The following DCBLD2 variants were observed in gnomAD, a reference collection of about 807,000 sequenced individuals.
The protein encoded by DCBLD2 is discoidin, CUB and LCCL domain-containing protein 2.
DCBLD2 carries 54 observed loss-of-function variants against 86.8 expected under a neutral mutation model. The ratio of observed to expected loss-of-function variants is 0.62; its 90% CI spans 0.50 to 0.78. The LOEUF (loss-of-function observed/expected upper bound fraction) is 0.78. DCBLD2 is among the 30% of genes least tolerant of loss of function. The pLI is 0.00. For synonymous variants in DCBLD2, 354 were observed against 341.3 expected, an observed-to-expected ratio of 1.04 and a Z score of -0.41; for missense variants, 908 against 954.2, an observed-to-expected ratio of 0.95 and a Z score of 0.64.
At chr3:98,818,558 G>A (rs1942063517) in intron 8 of DCBLD2, among the ~76,000 whole-genome samples, 1 of 152,196 alleles carries the variant, frequency 6.6e-6, no homozygotes, top group Non-Finnish European at 1.5e-5. Context: ...TTGTTCCCAG[G>A]TGTGTCTGTG....
At chr3:98,826,808 C>G (rs1326961098) in intron 3 of DCBLD2, among the ~76,000 whole-genome samples, 2 of 152,032 alleles carry the variant, frequency 1.3e-5, no homozygotes, top group Non-Finnish European at 2.9e-5. Flanking sequence ...GAAGAAGACC[C>G]CAAGGCAATC....
At chr3:98,880,016 G>T (rs1943438536) in intron 2 of DCBLD2, among the ~76,000 whole-genome samples, 1 of 152,194 alleles carries the variant, frequency 6.6e-6, no homozygotes, top group Non-Finnish European at 1.5e-5. Flanking sequence ...TTCTATTAGT[G>T]TTAATATCAC....
Position 98,821,357 on chromosome 3 carries a change from T to A in DCBLD2, c.830+871A>T, listed in dbSNP as rs774719270. Reference sequence around the variant, plus strand: ...AAACAGATTGCTAACACTGCATTTCTATTTAATGTTTCAATTTCTCTTGCT... The same window carrying A: ...AAACAGATTGCTAACACTGCATTTCAATTTAATGTTTCAATTTCTCTTGCT... On this transcript the variant is annotated intron_variant, in intron 6 of 15. Transcript: ENST00000326840. Among the ~76,000 whole-genome samples the A allele has an allele frequency of 7.2e-5, 11 of 152,360 alleles. No individual in the cohort carries two copies. In the South Asian group the frequency reaches 2.3e-3, roughly 32 times the overall value.
intron 2 of DCBLD2, among the ~76,000 whole-genome samples, chr3:98,867,080 C>G (rs1391599027): frequency 6.6e-6 from 1 of 152,068 alleles, no homozygotes; most frequent in Non-Finnish European, 1.5e-5. Context: ...CTGTTTTGGT[C>G]CCAGTACCAT....
At chr3:98,823,239 C>T (rs1268122710) in intron 4 of DCBLD2, among the ~76,000 whole-genome samples, 1 of 152,164 alleles carries the variant, frequency 6.6e-6, no homozygotes, top group East Asian at 1.9e-4. Flanking sequence ...TATGTCTTTA[C>T]TCACACATTT....
At chr3:98,852,255 T>A (rs1479159918) in intron 2 of DCBLD2, among the ~76,000 whole-genome samples, 1 of 151,952 alleles carries the variant, frequency 6.6e-6, no homozygotes. Context: ...ATTTCTTTTT[T>A]TTTTTTTTTT....
intron 3 of DCBLD2, 123 bp from the exon 4 acceptor site, chr3:98,825,489 A>G: frequency 1.4e-6 from 1 of 711,076 alleles, no homozygotes; most frequent in Non-Finnish European, 2.3e-6. Flanking sequence ...TGGCACTGTC[A>G]AAGTGGTACT....
chr3:98,841,209 G>C (rs1942613461), intron 3 of DCBLD2, among the ~76,000 whole-genome samples: 2 of 152,196 alleles, frequency 1.3e-5, no homozygotes, highest in African/African-American at 2.4e-5. Flanking sequence ...TTGTGAGAAA[G>C]AGCAGGAGAG....
At chr3:98,892,673 C>T (rs1943683591) in intron 1 of DCBLD2, among the ~76,000 whole-genome samples, 1 of 152,106 alleles carries the variant, frequency 6.6e-6, no homozygotes, top group Non-Finnish European at 1.5e-5. Context: ...TCCTGCCTTC[C>T]CCTCTCAATC....
Position 98,823,115 on chromosome 3 carries a change from C to T in DCBLD2, c.624-374G>A, listed in dbSNP as rs6440158. Among the ~76,000 whole-genome samples the T allele has an allele frequency of 9.1e-3, 1,378 of 152,224 alleles. 18 individuals are homozygous for T. Among genetic ancestry groups the T allele is most frequent in the African/African-American group, 0.032 (1,315 of 41,524 alleles). ...CTCAAACTCCTGACCTCAGGTGATC[C>T]GCCCACCTCGGCCTCCCAAACTGCT... On this transcript the variant is annotated intron_variant, in intron 4 of 15. Coordinates refer to ENST00000326840, the MANE Select transcript of DCBLD2 (RefSeq NM_080927.4).
intron 1 of DCBLD2, among the ~76,000 whole-genome samples, chr3:98,891,207 A>AGAGG (rs1027190879): frequency 6.6e-6 from 1 of 151,176 alleles, no homozygotes; most frequent in Non-Finnish European, 1.5e-5. Flanking sequence ...GGAGAGAGGG[A>AGAGG]GAGGGAGGGA....
At chr3:98,835,034 C>CCTAT (rs1942407237) in intron 3 of DCBLD2, among the ~76,000 whole-genome samples, 1 of 148,596 alleles carries the variant, frequency 6.7e-6, no homozygotes, top group Admixed American at 6.8e-5. Flanking sequence ...GTGCAATGGC[C>CCTAT]CTATCTTGGC....
intron 1 of DCBLD2, among the ~76,000 whole-genome samples, chr3:98,885,822 G>C (rs1159618889): frequency 1.3e-5 from 2 of 151,600 alleles, no homozygotes; most frequent in Admixed American, 6.6e-5. Context: ...CCCCACAGAA[G>C]CAATTTTACC....
At chr3:98,878,944 A>G (rs1056839006) in intron 2 of DCBLD2, among the ~76,000 whole-genome samples, 28 of 152,170 alleles carry the variant, frequency 1.8e-4, no homozygotes, top group Non-Finnish European at 1.2e-4. Flanking sequence ...CAGGTTCAAC[A>G]CTTTGTAGAA....
At chr3:98,871,804 G>C (rs1943285520) in intron 2 of DCBLD2, among the ~76,000 whole-genome samples, 1 of 152,110 alleles carries the variant, frequency 6.6e-6, no homozygotes, top group Non-Finnish European at 1.5e-5. Flanking sequence ...GAATTAGGGA[G>C]GATTCCCTCT....
chr3:98,808,026 GCTT>G (rs1941870133), intron 13 of DCBLD2, 52 bp downstream of exon 13: 2 of 1,294,124 alleles, frequency 1.5e-6, no homozygotes, highest in East Asian at 5.5e-5. Flanking sequence ...TCTATATTTA[GCTT>G]CTACTTCACA....
chr3:98,800,369 A>C (rs948410161), intron 15 of DCBLD2, among the ~76,000 whole-genome samples: 6 of 152,184 alleles, frequency 3.9e-5, no homozygotes, highest in Non-Finnish European at 7.3e-5. Flanking sequence ...AGTCTTTAGA[A>C]ATCAATGTCC....
chr3:98,870,737 A>AAGAAAGAAAGAAAGAAAGAAAAG (rs60463776), intron 2 of DCBLD2, among the ~76,000 whole-genome samples: 5 of 69,822 alleles, frequency 7.2e-5, no homozygotes, highest in African/African-American at 2.9e-4. Flanking sequence ...AAAAGAAAGA[A>AAGAAAGAAAGAAAGAAAGAAAAG]AAAGAAAGAA....
chr3:98,849,037 C>T (rs377067674), intron 3 of DCBLD2, among the ~76,000 whole-genome samples: 3 of 151,948 alleles, frequency 2.0e-5, no homozygotes, highest in East Asian at 1.9e-4. Context: ...GGCATGGTGG[C>T]GCATGCCTGT....
Sources: gnomAD v4.1 joint callset for allele counts (sites outside exome capture counted in the v4.1 genomes callset) on GRCh38, gnomAD v4.1.1 for gene constraint, MANE v1.5 for transcripts, NCBI Gene and HGNC (gene_info 2026-07-23, HGNC 2026-07-21) for gene names.